ITPR2: variants seen among roughly 807,000 people sequenced by gnomAD.
ITPR2 encodes the protein inositol 1,4,5-trisphosphate receptor type 2, also known as inositol 1,4,5-trisphosphate-gated calcium channel ITPR2.
ITPR2 carries 207 observed loss-of-function variants against 317.1 expected under a neutral mutation model. The ratio of observed to expected loss-of-function variants is 0.65; its 90% CI spans 0.58 to 0.73. ITPR2 has a LOEUF of 0.73. Among genes scored for constraint, ITPR2 ranks in the 30% least tolerant of loss-of-function variants. ITPR2 has a pLI of 0.00. For synonymous variants in ITPR2, 1,156 were observed against 1,149.1 expected, an observed-to-expected ratio of 1.01 and a Z score of -0.12; for missense variants, 2,613 against 3,284.0, an observed-to-expected ratio of 0.80 and a Z score of 4.99.
At chr12:26,672,451 C>CT (rs1947800897) in intron 13 of ITPR2, among the ~76,000 whole-genome samples, 1 of 152,056 alleles carries the variant, frequency 6.6e-6, no homozygotes, top group Non-Finnish European at 1.5e-5. Flanking sequence ...TGAATGACTA[C>CT]TGGGTACATA....
chr12:26,595,717 C>T, intron 31 of ITPR2, 127 bp from the exon 32 acceptor site: 1 of 762,858 alleles, frequency 1.3e-6, no homozygotes, highest in Non-Finnish European at 2.0e-6. Context: ...TTTGTCTATC[C>T]AGAAAGTATT....
At position 26,656,438 on chromosome 12, in the gene ITPR2, T is replaced by C; in HGVS notation, c.2303A>G (p.Glu768Gly). Residue 768 changes from glutamate to glycine, a missense_variant, in exon 19 of 57, where the codon GAG (glutamate) becomes GGG (glycine). Physicochemically the swap from Glu to Gly is moderately conservative, Grantham distance 98. Transcript: ENST00000381340. ...VDLILRCVSDESLPFDLRASF... is the reference protein window; with the variant it reads ...VDLILRCVSDGSLPFDLRASF... ...CGCTCGGAGGTCGAACGGCAGGCTC[T>C]CATCCGACACACACCGCAGGATCAG... is the stretch of plus-strand genomic sequence containing the variant. 3 of 1,614,202 alleles carry C rather than the reference T, an allele frequency of 1.9e-6. No homozygotes were observed. Among genetic ancestry groups the C allele is most frequent in the Non-Finnish European group, 2.5e-6 (3 of 1,180,028 alleles).
At chr12:26,660,218 T>G (rs1565672947) in intron 15 of ITPR2, among the ~76,000 whole-genome samples, 1 of 152,130 alleles carries the variant, frequency 6.6e-6, no homozygotes, top group Non-Finnish European at 1.5e-5. Flanking sequence ...GTTTGAGAGG[T>G]AGGTCAAAAG....
intron 2 of ITPR2, among the ~76,000 whole-genome samples, chr12:26,728,978 C>T (rs1948982975): frequency 6.6e-6 from 1 of 152,196 alleles, no homozygotes; most frequent in Non-Finnish European, 1.5e-5. Flanking sequence ...CAAAAATTTT[C>T]TCCCATTCTG....
intron 21 of ITPR2, among the ~76,000 whole-genome samples, chr12:26,651,969 C>T (rs1947266578): frequency 6.6e-6 from 1 of 152,186 alleles, no homozygotes; most frequent in South Asian, 2.1e-4. Context: ...TTGTTCATCC[C>T]TAGAAGCACT....
intron 2 of ITPR2, among the ~76,000 whole-genome samples, chr12:26,775,108 A>G (rs1351235749): frequency 2.6e-5 from 4 of 152,126 alleles, no homozygotes; most frequent in Non-Finnish European, 5.9e-5. Flanking sequence ...CAAATAGATT[A>G]CCTCTACCAA....
chr12:26,694,967 C>G (rs1041212789), intron 10 of ITPR2, among the ~76,000 whole-genome samples: 2 of 152,122 alleles, frequency 1.3e-5, no homozygotes, highest in Non-Finnish European at 2.9e-5. Flanking sequence ...TTTCACCTCC[C>G]CCATGTCAAT....
intron 13 of ITPR2, among the ~76,000 whole-genome samples, chr12:26,679,211 A>G (rs1000472202): frequency 1.3e-5 from 2 of 152,194 alleles, no homozygotes; most frequent in African/African-American, 4.8e-5. Flanking sequence ...CTGAATATAC[A>G]ATAGTTGTTT....
At chr12:26,520,416 G>A (rs1317751944) in intron 37 of ITPR2, among the ~76,000 whole-genome samples, 1 of 152,152 alleles carries the variant, frequency 6.6e-6, no homozygotes, top group Non-Finnish European at 1.5e-5. Flanking sequence ...GTTCTTGTGA[G>A]TGTCATTCCA....
intron 37 of ITPR2, among the ~76,000 whole-genome samples, chr12:26,511,530 G>A (rs923879226): frequency 6.6e-6 from 1 of 152,086 alleles, no homozygotes; most frequent in African/African-American, 2.4e-5. Context: ...AACTTTTTTT[G>A]TAAGTATTTA....
chr12:26,349,182 A>G (rs1223359397), intron 55 of ITPR2, among the ~76,000 whole-genome samples: 1 of 152,246 alleles, frequency 6.6e-6, no homozygotes, highest in African/African-American at 2.4e-5. Context: ...TCTTGGACTG[A>G]CAAATAAATG....
chr12:26,497,035 A>C lies in ITPR2; in HGVS notation c.5074-1775T>G, dbSNP rs540853187. 4.0e-5 allele frequency among the ~76,000 whole-genome samples: 6 copies of C among 149,818 alleles called. No individual in the cohort carries two copies. In the South Asian group the frequency reaches 1.3e-3, roughly 32 times the overall value. On this transcript the variant is annotated intron_variant, in intron 37 of 56. Transcript: ENST00000381340. ...CTACCCGCCCCCACCCCAACTTGAT[A>C]ATGATTTGAAATGTCAAATGACATG...
Position 26,597,148 on chromosome 12 carries a change from AAG to A in ITPR2, c.4003-16_4003-15del. 1.2e-6 allele frequency: 2 copies of A among 1,613,224 alleles called. No individual in the cohort carries two copies. Among genetic ancestry groups the A allele is most frequent in the South Asian group, 1.1e-5 (1 of 91,038 alleles). On this transcript the variant is annotated splice_polypyrimidine_tract_variant and intron_variant, in intron 30 of 56. Coordinates refer to ENST00000381340, the MANE Select transcript of ITPR2 (RefSeq NM_002223.4). ...CCCATTTATCAACTGAAATGATAAT[AAG>A]AGAGTCTATGTAGCAGTCCGAACAT... is the stretch of plus-strand genomic sequence containing the variant.
intron 5 of ITPR2, among the ~76,000 whole-genome samples, chr12:26,722,022 T>A (rs1010125482): frequency 3.9e-5 from 6 of 152,180 alleles, no homozygotes; most frequent in African/African-American, 1.2e-4. Flanking sequence ...AATCACGGTG[T>A]CACTCCATTA....
intron 21 of ITPR2, 71 bp from the exon 22 acceptor site, chr12:26,632,130 G>T: frequency 8.1e-7 from 1 of 1,235,016 alleles, no homozygotes; most frequent in Non-Finnish European, 1.1e-6. Context: ...AACTCAGTTA[G>T]TCACAACCAC....
intron 2 of ITPR2, among the ~76,000 whole-genome samples, chr12:26,751,864 TA>T (rs58449510): frequency 0.04 from 5,380 of 132,906 alleles, 258 homozygotes; most frequent in African/African-American, 0.13. Flanking sequence ...AGACTCTATC[TA>T]AAAAAAAAAA....
intron 55 of ITPR2, among the ~76,000 whole-genome samples, chr12:26,386,821 A>C (rs370053397): frequency 6.6e-6 from 1 of 152,302 alleles, no homozygotes; most frequent in Admixed American, 6.5e-5. Context: ...TTAATTTTCT[A>C]TGAGACAGAA....
intron 13 of ITPR2, among the ~76,000 whole-genome samples, chr12:26,671,904 T>C (rs1262053705): frequency 6.6e-6 from 1 of 152,080 alleles, no homozygotes; most frequent in Non-Finnish European, 1.5e-5. Context: ...GCAATCCTAG[T>C]CTCTGATAAA....
rs1181154532 is a variant in ITPR2, at chr12:26,587,249, T to C, written c.4381-7094A>G. ...GCAGTGAACAGAGATAAAATTCCTG[T>C]CTTTCATTTGTTCCTACTGAAATAC... On this transcript the variant is annotated intron_variant, in intron 32 of 56. Transcript: ENST00000381340. Among the ~76,000 whole-genome samples the C allele has an allele frequency of 2.0e-5, 3 of 148,630 alleles. No individual in the cohort carries two copies. In the Admixed American group the frequency reaches 2.0e-4, roughly 10 times the overall value.
Sources: allele counts gnomAD v4.1 joint callset (sites outside exome capture counted in the v4.1 genomes callset), GRCh38; gene constraint gnomAD v4.1.1; transcripts MANE v1.5; gene names NCBI Gene and HGNC (gene_info 2026-07-23, HGNC 2026-07-21).